The following NDST4 variants were observed in gnomAD, a reference collection of about 807,000 sequenced individuals.
NDST4 encodes N-heparan sulfate sulfotransferase 4.
Under a neutral mutation model 100.8 loss-of-function variants are expected in NDST4, and 63 were observed. The ratio of observed to expected loss-of-function variants is 0.62; its 90% confidence interval spans 0.51 to 0.77. The LOEUF is 0.77. Among genes scored for constraint, NDST4 ranks in the 30% least tolerant of loss-of-function variants. The probability of loss-of-function intolerance (pLI) is 0.00; values close to 1 mark genes in which losing one functional copy is unlikely to be tolerated. For synonymous variants in NDST4, 377 were observed against 361.8 expected (o/e 1.04, Z -0.48); for missense variants, 943 against 1,018.4 (o/e 0.93, Z 1.01).
chr4:114,965,160 A>C (rs1221979308), intron 4 of NDST4, among the ~76,000 whole-genome samples: 1 of 152,062 alleles, frequency 6.6e-6, no homozygotes, highest in East Asian at 1.9e-4. Context: ...ATACCCTATA[A>C]GTTATTATCA....
At chr4:114,946,342 C>G (rs1286349974) in intron 4 of NDST4, among the ~76,000 whole-genome samples, 1 of 151,804 alleles carries the variant, frequency 6.6e-6, no homozygotes, top group Non-Finnish European at 1.5e-5. Flanking sequence ...AGAGTGAGTC[C>G]AAGGTCATAC....
intron 1 of NDST4, among the ~76,000 whole-genome samples, chr4:115,088,419 A>T (rs79397811): frequency 0.012 from 1,807 of 151,920 alleles, 34 homozygotes; most frequent in African/African-American, 0.041. Flanking sequence ...AATTGACCAT[A>T]AACAGCATCT....
At chr4:114,836,551 T>G (rs11930181) in intron 11 of NDST4, among the ~76,000 whole-genome samples, 16,554 of 152,198 alleles carry the variant, frequency 0.11, 946 homozygotes, top group Middle Eastern at 0.15. Context: ...CCTTAACATT[T>G]TTTTCTTCGT....
chr4:115,066,310 C>A (rs1249906264), intron 2 of NDST4, among the ~76,000 whole-genome samples: 1 of 151,790 alleles, frequency 6.6e-6, no homozygotes, highest in Non-Finnish European at 1.5e-5. Context: ...GGAGAATAAC[C>A]CTATTTGCTT....
intron 4 of NDST4, among the ~76,000 whole-genome samples, chr4:114,964,369 T>C (rs1478309684): frequency 6.6e-6 from 1 of 152,226 alleles, no homozygotes; most frequent in Non-Finnish European, 1.5e-5. Context: ...GATCCAGTTA[T>C]TTCATACTCA....
At chr4:114,829,441 A>C in intron 13 of NDST4, among the ~76,000 whole-genome samples, 1 of 152,196 alleles carries the variant, frequency 6.6e-6, no homozygotes, top group Non-Finnish European at 1.5e-5. Flanking sequence ...TCTGTATTGA[A>C]TATATAATAA....
intron 4 of NDST4, among the ~76,000 whole-genome samples, chr4:114,960,205 G>T (rs1726230695): frequency 6.6e-6 from 1 of 152,228 alleles, no homozygotes; most frequent in Non-Finnish European, 1.5e-5. Context: ...TACATTCACA[G>T]ATATATCAAA....
chr4:114,875,735 A>C (rs907331621), intron 6 of NDST4, among the ~76,000 whole-genome samples: 2 of 152,196 alleles, frequency 1.3e-5, no homozygotes, highest in Non-Finnish European at 2.9e-5. Flanking sequence ...AGAAGAGAAG[A>C]AAAAAGGAAA....
At chr4:115,015,184 A>G (rs1727648032) in intron 2 of NDST4, among the ~76,000 whole-genome samples, 1 of 152,088 alleles carries the variant, frequency 6.6e-6, no homozygotes, top group Non-Finnish European at 1.5e-5. Context: ...TGTAATTGAT[A>G]TGAGGACCAT....
intron 6 of NDST4, among the ~76,000 whole-genome samples, chr4:114,890,347 G>A (rs1003812746): frequency 3.9e-5 from 6 of 151,942 alleles, no homozygotes; most frequent in African/African-American, 1.4e-4. Context: ...AAATATTAGA[G>A]CAACTTTAAA....
At chr4:114,891,412 TC>T (rs2126206340) in intron 6 of NDST4, among the ~76,000 whole-genome samples, 1 of 152,170 alleles carries the variant, frequency 6.6e-6, no homozygotes, top group African/African-American at 2.4e-5. Context: ...TTCACATTCT[TC>T]TCAATTTCTT....
chr4:114,970,300 T>C (rs1726481942), intron 4 of NDST4, 130 bp downstream of exon 4: 1 of 762,714 alleles, frequency 1.3e-6, no homozygotes, highest in Non-Finnish European at 2.0e-6. Flanking sequence ...GTACCCTCAA[T>C]ACATGTGATG....
intron 12 of NDST4, among the ~76,000 whole-genome samples, chr4:114,832,852 G>C (rs1723228958): frequency 6.6e-6 from 1 of 152,160 alleles, no homozygotes. Flanking sequence ...CATCCAGGAG[G>C]CCTCATGGAG....
chr4:114,938,982 T>C (rs1217602465), intron 4 of NDST4, among the ~76,000 whole-genome samples: 2 of 152,178 alleles, frequency 1.3e-5, no homozygotes. Flanking sequence ...TACTTCTTCC[T>C]AGCACTTGTG....
intron 2 of NDST4, among the ~76,000 whole-genome samples, chr4:115,055,506 T>C: frequency 6.6e-6 from 1 of 152,076 alleles, no homozygotes; most frequent in Non-Finnish European, 1.5e-5. Context: ...GTTACTGATA[T>C]GTATAAATCA....
intron 6 of NDST4, among the ~76,000 whole-genome samples, chr4:114,877,805 G>A (rs1247096171): frequency 1.3e-5 from 2 of 151,942 alleles, no homozygotes; most frequent in Non-Finnish European, 2.9e-5. Flanking sequence ...AAAAGTAGCC[G>A]GGCCTGGTGA....
At chr4:114,960,376 C>T (rs569039933) in intron 4 of NDST4, among the ~76,000 whole-genome samples, 19 of 151,342 alleles carry the variant, frequency 1.3e-4, no homozygotes, top group African/African-American at 4.4e-4. Context: ...GGGAGGCCAA[C>T]GCGGGCAGAT....
At chr4:115,001,754 T>C (rs531410520) in intron 2 of NDST4, among the ~76,000 whole-genome samples, 51 of 152,258 alleles carry the variant, frequency 3.3e-4, no homozygotes, top group African/African-American at 1.2e-3. Context: ...TAATAAATAA[T>C]TGTGTAAATG....
At chr4:114,867,143 C>G (rs1319723418) in intron 7 of NDST4, among the ~76,000 whole-genome samples, 2 of 152,078 alleles carry the variant, frequency 1.3e-5, no homozygotes, top group Non-Finnish European at 2.9e-5. Context: ...ATAGGTTGAG[C>G]TAGATGTCCC....
Sources: allele counts gnomAD v4.1 joint callset (sites outside exome capture counted in the v4.1 genomes callset), GRCh38; gene constraint gnomAD v4.1.1; transcripts MANE v1.5; gene names NCBI Gene and HGNC (gene_info 2026-07-23, HGNC 2026-07-21).